CDH23: variants seen among roughly 807,000 people sequenced by gnomAD.
CDH23 encodes the protein cadherin-23.
A neutral mutation model predicts 317.1 loss-of-function variants in CDH23; 189 were observed. The ratio of observed to expected loss-of-function variants is 0.60; its 90% CI spans 0.53 to 0.67. The LOEUF (loss-of-function observed/expected upper bound fraction) is 0.67, where lower values mean the gene tolerates loss of function less well. Ranked by LOEUF, CDH23 falls within the 30% of genes least tolerant of loss-of-function variation. The probability of loss-of-function intolerance (pLI) is 0.00; values close to 1 mark genes in which losing one functional copy is unlikely to be tolerated. For missense variants in CDH23, 4,401 were observed against 4,592.4 expected, an observed-to-expected ratio of 0.96 and a Z score of 1.20; for synonymous variants, 1,839 against 1,876.8, an observed-to-expected ratio of 0.98 and a Z score of 0.52.
At chr10:71,810,336 T>A (rs1841878735) in intron 61 of CDH23, 136 bp from the exon 62 acceptor site, 1 of 898,424 alleles carries the variant, frequency 1.1e-6, no homozygotes, top group African/African-American at 1.7e-5. Context: ...TGCCTGGTCC[T>A]CAGCAAACAT....
chr10:71,501,508 A>G (rs115578385), intron 3 of CDH23, among the ~76,000 whole-genome samples: 2,599 of 152,196 alleles, frequency 0.017, 58 homozygotes, highest in African/African-American at 0.054. Context: ...TCAGGAGAGA[A>G]CCGGCCAGTG....
In CDH23 at chr10:71,759,854, C is replaced by CACATATAT. The variant is rs1840262050; in HGVS notation, c.4846-17823_4846-17822insTATATACA. Among the ~76,000 whole-genome samples the CACATATAT allele has an allele frequency of 5.5e-5, 6 of 109,312 alleles. 1 individual carries two copies. Among genetic ancestry groups the CACATATAT allele is most frequent in the South Asian group, 6.1e-4 (2 of 3,272 alleles). The allele number at this position is 109,312 out of a possible 152,430, so 71.7% of individuals were successfully genotyped here. The stretch of plus-strand genomic sequence containing the variant: ...ACACACACACACACACACATATACA[C>CACATATAT]ACACACACACATATATATACACACA... On this transcript the variant is annotated intron_variant, in intron 38 of 69. Transcript: ENST00000224721.
At chr10:71,476,686 G>A (rs891534223) in intron 3 of CDH23, among the ~76,000 whole-genome samples, 1 of 152,184 alleles carries the variant, frequency 6.6e-6, no homozygotes, top group Non-Finnish European at 1.5e-5. Flanking sequence ...ACAGAAGGGT[G>A]TATCGTAGAA....
chr10:71,638,271 T>C (rs2894167), intron 11 of CDH23, among the ~76,000 whole-genome samples: 13,915 of 152,134 alleles, frequency 0.091, 829 homozygotes, highest in Non-Finnish European at 0.13. Context: ...TAACATTGCG[T>C]CACGCCCCTG....
chr10:71,425,997 G>T (rs1272797386), intron 1 of CDH23, among the ~76,000 whole-genome samples: 1 of 152,124 alleles, frequency 6.6e-6, no homozygotes, highest in Non-Finnish European at 1.5e-5. Flanking sequence ...GTGGAGACTT[G>T]GGATACTTGT....
intron 6 of CDH23, among the ~76,000 whole-genome samples, chr10:71,525,230 A>G (rs1015738171): frequency 2.6e-5 from 4 of 152,234 alleles, no homozygotes; most frequent in African/African-American, 9.6e-5. Flanking sequence ...TAGCCCCCTG[A>G]GGCCCATGTT....
In CDH23 at chr10:71,646,504, G is replaced by A. The variant is rs868805952; in HGVS notation, c.1336G>A (p.Val446Met). Residue 446 changes from valine (V) to methionine (M), a missense_variant, in exon 14 of 70, where the codon GTG becomes ATG. By Grantham distance (21) the Val-to-Met change is conservative. Transcript: ENST00000224721. ...GCCTGACCATGTGGGCTATGCCAAG[G>A]TGAAGATCACTCTCATCAATGAAAA... ...SVPDHVGYAK[V>M]KITLINENDN... 2 of 1,613,936 alleles carry A rather than the reference G, an allele frequency of 1.2e-6. No individual in the cohort carries two copies. Among genetic ancestry groups the A allele is most frequent in the Non-Finnish European group, 8.5e-7 (1 of 1,179,892 alleles).
chr10:71,433,992 C>G (rs1201819318), intron 1 of CDH23, among the ~76,000 whole-genome samples: 1 of 152,078 alleles, frequency 6.6e-6, no homozygotes, highest in Non-Finnish European at 1.5e-5. Flanking sequence ...CAGTGGCCTA[C>G]AAAGTGTCCA....
chr10:71,442,840 C>CA (rs1392414869), intron 2 of CDH23, among the ~76,000 whole-genome samples: 2 of 152,218 alleles, frequency 1.3e-5, no homozygotes, highest in Non-Finnish European at 2.9e-5. Context: ...TCATGTGGGC[C>CA]ACGCTGCAGT....
intron 35 of CDH23, among the ~76,000 whole-genome samples, chr10:71,738,947 G>A (rs1385229275): frequency 1.3e-5 from 2 of 152,250 alleles, no homozygotes; most frequent in East Asian, 3.8e-4. Context: ...CTCCCTGAGA[G>A]GACATGCTCG....
At chr10:71,507,795 G>A (rs548616197) in intron 3 of CDH23, among the ~76,000 whole-genome samples, 1 of 152,228 alleles carries the variant, frequency 6.6e-6, no homozygotes, top group African/African-American at 2.4e-5. Context: ...AAACGCTTTG[G>A]AAAGATGTGC....
chr10:71,424,736 TG>T (rs1564571071), intron 1 of CDH23, among the ~76,000 whole-genome samples: 1 of 152,318 alleles, frequency 6.6e-6, no homozygotes, highest in Admixed American at 6.5e-5. Context: ...CTGGGCAGGC[TG>T]GGGGGAAGCC....
At chr10:71,411,084 T>G (rs538672595) in intron 1 of CDH23, among the ~76,000 whole-genome samples, 2 of 152,242 alleles carry the variant, frequency 1.3e-5, no homozygotes, top group Non-Finnish European at 2.9e-5. Context: ...TCTTCAGTTT[T>G]GTTCTTCTTC....
chr10:71,625,703 A>G (rs1861700930), intron 11 of CDH23, among the ~76,000 whole-genome samples: 1 of 152,184 alleles, frequency 6.6e-6, no homozygotes, highest in South Asian at 2.1e-4. Flanking sequence ...GCAGCTCTGC[A>G]AAGGTTGCGT....
At chr10:71,407,745 G>A (rs1848169273) in intron 1 of CDH23, among the ~76,000 whole-genome samples, 1 of 152,210 alleles carries the variant, frequency 6.6e-6, no homozygotes, top group African/African-American at 2.4e-5. Context: ...TCATGTTGCT[G>A]TATGGGTGGT....
chr10:71,451,747 G>T (rs1020025618), intron 3 of CDH23, among the ~76,000 whole-genome samples: 1 of 152,198 alleles, frequency 6.6e-6, no homozygotes, highest in African/African-American at 2.4e-5. Context: ...TTCTTGGCCT[G>T]TGAATGCCTC....
intron 20 of CDH23, among the ~76,000 whole-genome samples, chr10:71,692,203 C>A (rs921712190): frequency 3.9e-5 from 6 of 152,138 alleles, no homozygotes; most frequent in African/African-American, 1.4e-4. Context: ...TGAGGACTCG[C>A]AGAGCACGAA....
intron 38 of CDH23, among the ~76,000 whole-genome samples, chr10:71,746,765 C>T (rs939481143): frequency 6.6e-6 from 1 of 152,192 alleles, no homozygotes; most frequent in African/African-American, 2.4e-5. Context: ...TACTACTATT[C>T]CAGATAAGAA....
intron 26 of CDH23, chr10:71,707,577 G>A: frequency 1.0e-6 from 1 of 975,244 alleles, no homozygotes; most frequent in South Asian, 4.3e-5. Context: ...GCTCACAGGG[G>A]AAAGTGAGCT....
Sources: gnomAD v4.1 joint callset for allele counts (sites outside exome capture counted in the v4.1 genomes callset) on GRCh38, gnomAD v4.1.1 for gene constraint, MANE v1.5 for transcripts, NCBI Gene and HGNC (gene_info 2026-07-23, HGNC 2026-07-21) for gene names.